DDHD1: variants seen among roughly 807,000 people sequenced by gnomAD.
The protein encoded by DDHD1 is DDHD domain containing 1.
DDHD1 carries 49 observed loss-of-function variants against 96.4 expected under a neutral mutation model. That is an observed-to-expected ratio of 0.51 (90% CI 0.40 to 0.64). The LOEUF is 0.64. Ranked by LOEUF, DDHD1 falls within the 30% of genes least tolerant of loss-of-function variation. The pLI is 0.00. For missense variants in DDHD1, 1,106 were observed against 1,161.2 expected (o/e 0.95, Z 0.69); for synonymous variants, 442 against 446.5 (o/e 0.99, Z 0.13).
chr14:53,099,944 T>A (rs564191934), intron 2 of DDHD1, among the ~76,000 whole-genome samples: 6 of 152,300 alleles, frequency 3.9e-5, no homozygotes, highest in South Asian at 2.1e-4. Flanking sequence ...ATGTTTTTTT[T>A]AATTCAATGC....
intron 6 of DDHD1, among the ~76,000 whole-genome samples, chr14:53,071,266 GAAC>G (rs1884484175): frequency 6.6e-6 from 1 of 151,834 alleles, no homozygotes; most frequent in African/African-American, 2.4e-5. Context: ...ATGGTTTTTA[GAAC>G]AAAAATTGGG....
intron 6 of DDHD1, among the ~76,000 whole-genome samples, chr14:53,065,295 T>C (rs961167687): frequency 2.0e-5 from 3 of 152,214 alleles, no homozygotes; most frequent in East Asian, 1.9e-4. Context: ...CTTCAAGAAA[T>C]TGTAATGAGA....
chr14:53,093,532 A>T (rs1015109527), intron 2 of DDHD1, 88 bp from the exon 3 acceptor site: 45 of 1,503,262 alleles, frequency 3.0e-5, no homozygotes, highest in Admixed American at 4.6e-5. Flanking sequence ...TTTAAAATCA[A>T]TATGTTATCT....
chr14:53,146,510 AATT>A (rs1890994863), intron 1 of DDHD1, among the ~76,000 whole-genome samples: 1 of 151,862 alleles, frequency 6.6e-6, no homozygotes, highest in African/African-American at 2.4e-5. Flanking sequence ...AAAAAAAAAA[AATT>A]AATGAATGTA....
intron 4 of DDHD1, among the ~76,000 whole-genome samples, chr14:53,081,319 G>C (rs1298177766): frequency 6.6e-6 from 1 of 152,146 alleles, no homozygotes; most frequent in African/African-American, 2.4e-5. Flanking sequence ...GTATATGCAA[G>C]GAAGAACATA....
In DDHD1 at chr14:53,063,176, A is replaced by T; in HGVS notation, c.1533T>A (p.Asn511Lys). Residue 511 changes from asparagine to lysine, a missense_variant, in exon 7 of 13, where the codon AAT becomes AAA. Coordinates refer to ENST00000673822, the MANE Select transcript of DDHD1 (RefSeq NM_001160148.2). ...ELVKGLQQELNRLYSLFCSRN... is the reference protein window; with the variant it reads ...ELVKGLQQELKRLYSLFCSRN... ...GAGAACAGAAAAGGGAATACAATCG[A>T]TTCAGCTCTTGCTGAAGGCCTTTAA... The T allele has an allele frequency of 6.2e-7, 1 of 1,613,856 alleles. No individual in the cohort carries two copies. The highest frequency in any genetic ancestry group is 8.5e-7 in the Non-Finnish European group (1 of 1,179,956).
chr14:53,129,028 C>A (rs1889669111), intron 1 of DDHD1, among the ~76,000 whole-genome samples: 1 of 152,194 alleles, frequency 6.6e-6, no homozygotes. Flanking sequence ...CCCACCTATC[C>A]CAAACCTATA....
intron 1 of DDHD1, among the ~76,000 whole-genome samples, chr14:53,139,213 G>C (rs1890461791): frequency 6.6e-6 from 1 of 152,228 alleles, no homozygotes; most frequent in African/African-American, 2.4e-5. Flanking sequence ...GGCTCCACTT[G>C]TGAGACCCAG....
chr14:53,086,675 T>C (rs961548575), intron 4 of DDHD1, among the ~76,000 whole-genome samples: 3 of 152,198 alleles, frequency 2.0e-5, no homozygotes, highest in African/African-American at 7.2e-5. Flanking sequence ...AAGGAACAAC[T>C]GGTACCAGCC....
At chr14:53,123,959 T>C (rs1312302157) in intron 1 of DDHD1, among the ~76,000 whole-genome samples, 4 of 151,956 alleles carry the variant, frequency 2.6e-5, no homozygotes, top group Non-Finnish European at 4.4e-5. Flanking sequence ...TGGCCGGGCA[T>C]GGTGGCTCAT....
At position 53,055,974 on chromosome 14, in the gene DDHD1, T is replaced by C; in HGVS notation, c.1993-62A>G. 14 of 1,420,288 alleles carry C rather than the reference T, an allele frequency of 9.9e-6. 1 individual carries two copies. In the South Asian group the frequency reaches 1.8e-4, roughly 19 times the overall value. 88.0% of individuals were successfully genotyped at this position (1,420,288 alleles called of 1,614,324 possible). On this transcript the variant is annotated intron_variant, in intron 9 of 12. Transcript: ENST00000673822. ...TTAAATCACAATGCTTGGATTTTAG[T>C]AAACTGTTCTTACTCTACTGCATGT...
chr14:53,097,020 A>C (rs1886939818), intron 2 of DDHD1, among the ~76,000 whole-genome samples: 1 of 151,996 alleles, frequency 6.6e-6, no homozygotes, highest in South Asian at 2.1e-4. Context: ...TAGTTATATA[A>C]ATTTCTTTAT....
intron 4 of DDHD1, among the ~76,000 whole-genome samples, chr14:53,082,907 C>A (rs201586874): frequency 6.8e-6 from 1 of 147,484 alleles, no homozygotes; most frequent in Non-Finnish European, 1.5e-5. Flanking sequence ...AACAAACAAA[C>A]AAAAAAACAA....
intron 9 of DDHD1, among the ~76,000 whole-genome samples, chr14:53,058,255 C>T (rs1359541828): frequency 6.6e-6 from 1 of 152,184 alleles, no homozygotes; most frequent in Non-Finnish European, 1.5e-5. Context: ...TCCTGCCTTA[C>T]AGGCACCCAC....
chr14:53,094,615 G>A (rs1886719264), intron 2 of DDHD1, among the ~76,000 whole-genome samples: 1 of 151,940 alleles, frequency 6.6e-6, no homozygotes, highest in South Asian at 2.1e-4. Flanking sequence ...TGAGGCAGGA[G>A]GATCACTGGA....
intron 1 of DDHD1, among the ~76,000 whole-genome samples, chr14:53,144,840 T>C (rs1482292966): frequency 6.6e-6 from 1 of 152,236 alleles, no homozygotes; most frequent in Non-Finnish European, 1.5e-5. Flanking sequence ...CTCTGCTCCC[T>C]GTGCATCATC....
rs539471392 is a variant in DDHD1 at position 53,115,984 on chromosome 14, T to G, written c.839-12128A>C. Among the ~76,000 whole-genome samples, 4 of 152,280 alleles carry G rather than the reference T, an allele frequency of 2.6e-5. No individual in the cohort carries two copies. The South Asian group carries it at 8.3e-4, about 32-fold the overall frequency. On this transcript the variant is annotated intron_variant, in intron 1 of 12. Transcript: ENST00000673822. Reference sequence around the variant, plus strand: ...GTGTGCTGTATTCAAGAGACCCATCTCATGTGCAAAGACACACAAAGGCTC... The same window carrying G: ...GTGTGCTGTATTCAAGAGACCCATCGCATGTGCAAAGACACACAAAGGCTC...
Position 53,078,968 on chromosome 14 carries a change from G to GT in DDHD1, c.1290-5122dup, listed in dbSNP as rs201859785. Among the ~76,000 whole-genome samples, 29 of 149,710 alleles carry GT rather than the reference G, an allele frequency of 1.9e-4. No individual in the cohort carries two copies. The East Asian group carries it at 2.0e-3, about 10-fold the overall frequency. ...TCTGTATCTGAAAATCACATGATGTGTTTTTTTTTCCTTCATTCTACACAT... is the reference window on the plus strand; with the variant it reads ...TCTGTATCTGAAAATCACATGATGTGTTTTTTTTTTCCTTCATTCTACACAT... On this transcript the variant is annotated intron_variant, in intron 4 of 12. Coordinates refer to ENST00000673822, the MANE Select transcript of DDHD1 (RefSeq NM_001160148.2).
At chr14:53,112,921 C>T (rs947876420) in intron 1 of DDHD1, among the ~76,000 whole-genome samples, 6 of 152,092 alleles carry the variant, frequency 3.9e-5, no homozygotes, top group Non-Finnish European at 8.8e-5. Flanking sequence ...GTTACAGTCA[C>T]TTGGTAAAGA....
Sources: gnomAD v4.1 joint callset for allele counts (sites outside exome capture counted in the v4.1 genomes callset) on GRCh38, gnomAD v4.1.1 for gene constraint, MANE v1.5 for transcripts, NCBI Gene and HGNC (gene_info 2026-07-23, HGNC 2026-07-21) for gene names.